The following TMEM132A variants were observed in gnomAD, a reference collection of about 807,000 sequenced individuals.
TMEM132A encodes GRP78-binding protein.
Under a neutral mutation model 69.9 loss-of-function variants are expected in TMEM132A, and 48 were observed. That is an observed-to-expected ratio of 0.69 (90% CI 0.55 to 0.87). TMEM132A has a LOEUF of 0.87. Among genes scored for constraint, TMEM132A ranks in the 40% least tolerant of loss-of-function variants. TMEM132A has a pLI of 0.00. For missense variants in TMEM132A, 1,287 were observed against 1,407.2 expected, an observed-to-expected ratio of 0.91 and a Z score of 1.37; for synonymous variants, 577 against 613.7, an observed-to-expected ratio of 0.94 and a Z score of 0.88.
Position 60,936,856 on chromosome 11 carries a change from G to A in TMEM132A, c.3021G>A (p.Lys1007=). 1.3e-6 allele frequency: 2 copies of A among 1,594,436 alleles called. No individual in the cohort carries two copies. Among genetic ancestry groups the A allele is most frequent in the Non-Finnish European group, 1.7e-6 (2 of 1,172,478 alleles). ...IRWVCEDMGL[K]DPEELRNYME... ...GGGTGTGTGAGGACATGGGGCTGAAGGACCCTGAGGAGCTTCGCAACTACA... is the reference window on the plus strand; with the variant it reads ...GGGTGTGTGAGGACATGGGGCTGAAAGACCCTGAGGAGCTTCGCAACTACA... Residue 1007 remains lysine (K), a synonymous_variant, in exon 11 of 11, where the codon AAG becomes AAA. Transcript: ENST00000453848.
At position 60,930,587 on chromosome 11, in the gene TMEM132A, G is replaced by T. The variant is rs753135679; in HGVS notation, c.944G>T (p.Arg315Leu). 6.2e-7 allele frequency: 1 copy of T among 1,612,902 alleles called. No individual in the cohort carries two copies. The highest frequency in any genetic ancestry group is 1.1e-5 in the South Asian group (1 of 91,028). ...QPTLWTAKLD[R>L]FKGSRHHTTL... ...ACACTCTGGACTGCCAAGCTGGACC[G>T]CTTCAAGGGCTCCAGGCACCACACC... Residue 315 changes from arginine (R) to leucine (L), a missense_variant, in exon 5 of 11, where the codon CGC (arginine) becomes CTC (leucine). Physicochemically the swap from Arg to Leu is moderately radical, Grantham distance 102 (BLOSUM62 -2). Transcript: ENST00000453848.
Position 60,934,669 on chromosome 11 carries a change from G to C in TMEM132A, c.1741G>C (p.Val581Leu), listed in dbSNP as rs547912250. The change falls in exon 9 of 11, where the codon GTG (valine) becomes CTG (leucine). Residue 581 changes from valine to leucine, a missense_variant. Val to Leu is a conservative substitution (Grantham distance 32, BLOSUM62 1). Transcript: ENST00000453848. ...CTGGCTGCTAGACGTGTCCCACCTCGTGGCGCCACACGCCCGCGTGCTGGA... is the reference window on the plus strand; with the variant it reads ...CTGGCTGCTAGACGTGTCCCACCTCCTGGCGCCACACGCCCGCGTGCTGGA... ...PDWLLDVSHL[V>L]APHARVLDSR... is the part of the protein sequence containing the mutation. 6.3e-7 allele frequency: 1 copy of C among 1,599,860 alleles called. No homozygotes were observed. Among genetic ancestry groups the C allele is most frequent in the African/African-American group, 1.3e-5 (1 of 74,906 alleles).
At chr11:60,930,407 A>C in intron 4 of TMEM132A, 103 bp from the exon 5 acceptor site, 1 of 1,358,996 alleles carries the variant, frequency 7.4e-7, no homozygotes, top group Non-Finnish European at 9.9e-7. Flanking sequence ...TTCAGACTGG[A>C]GCCAGGGAGG....
chr11:60,933,101 G>A (rs189771698), intron 7 of TMEM132A: 2 of 157,636 alleles, frequency 1.3e-5, no homozygotes, highest in African/African-American at 4.8e-5. Flanking sequence ...GCATTCCAGT[G>A]ACACACAGAG....
intron 8 of TMEM132A, chr11:60,933,974 C>A: frequency 3.5e-6 from 2 of 573,504 alleles, no homozygotes; most frequent in Non-Finnish European, 6.2e-6. Context: ...CCCGTAGCAC[C>A]CTCCACTTCC....
Position 60,932,064 on chromosome 11 carries a change from G to A in TMEM132A, c.1293G>A (p.Gly431=), listed in dbSNP as rs778563000. The A allele has an allele frequency of 1.3e-5, 21 of 1,588,502 alleles. No homozygotes were observed. In the Admixed American group the frequency reaches 2.9e-4, roughly 22 times the overall value. ...TGCGCCTTGTCACTGTGGACGGCGG[G>A]GGGGCCTTGGTGGAGGTGACAGAGC... ...VPVRLVTVDG[G]GALVEVTEHV... The change falls in exon 7 of 11, where the codon GGG becomes GGA. Residue 431 remains glycine, a synonymous_variant. Transcript: ENST00000453848.
At chr11:60,927,478 G>T (rs1565119050) in intron 2 of TMEM132A, 60 bp downstream of exon 2, 11 of 1,513,916 alleles carry the variant, frequency 7.3e-6, no homozygotes, top group Non-Finnish European at 9.8e-6. Context: ...AGGTCTGCTG[G>T]GTACAAATTG....
chr11:60,936,979 C>T lies in TMEM132A; in HGVS notation c.*72C>T, dbSNP rs1002808677. 2.9e-6 allele frequency: 4 copies of T among 1,359,340 alleles called. No individual in the cohort carries two copies. The highest frequency in any genetic ancestry group is 1.5e-5 in the South Asian group (1 of 65,558). The allele number at this position is 1,359,340 out of a possible 1,614,324, so 84.2% of individuals were successfully genotyped here. A position where few individuals can be genotyped will look rare whatever the true frequency, so the allele number is the denominator to read the frequency against. On this transcript the variant is annotated 3_prime_UTR_variant, in exon 11 of 11. Coordinates refer to ENST00000453848, the MANE Select transcript of TMEM132A (RefSeq NM_178031.3). The stretch of plus-strand genomic sequence containing the variant: ...GAGGTCCCACTGAGCCTCTCGCCTG[C>T]CCCCGCCACTCGTCTGGTGCTTGTT...
Position 60,936,829 on chromosome 11 carries a change from C to G in TMEM132A, c.2994C>G (p.Arg998=). ...SILVAGEEDI[R]WVCEDMGLKD... is the part of the protein sequence containing the mutation. ...TTGTGGCAGGCGAGGAGGACATCCG[C>G]TGGGTGTGTGAGGACATGGGGCTGA... The change falls in exon 11 of 11, where the codon CGC becomes CGG. Residue 998 remains arginine (R), a synonymous_variant. Coordinates refer to ENST00000453848, the MANE Select transcript of TMEM132A (RefSeq NM_178031.3). 1 of 1,612,256 alleles carries G rather than the reference C, an allele frequency of 6.2e-7. No individual in the cohort carries two copies. Among genetic ancestry groups the G allele is most frequent in the Non-Finnish European group, 8.5e-7 (1 of 1,179,192 alleles).
In TMEM132A at chr11:60,935,591, A is replaced by T. The variant is rs1856575997; in HGVS notation, c.2028+148A>T. On this transcript the variant is annotated intron_variant, in intron 10 of 10. Coordinates refer to ENST00000453848, the MANE Select transcript of TMEM132A (RefSeq NM_178031.3). This position sits in a 1 kb window ranked among gnomAD's most constrained non-coding sequence, Gnocchi z 5.0. ...CTCTGTGAGGTAGTGAGCTCTCTGC[A>T]GCTGGAGGTGATCAAGCAGTGGCTG... 7 of 922,162 alleles carry T rather than the reference A, an allele frequency of 7.6e-6. No homozygotes were observed. The highest frequency in any genetic ancestry group is 1.1e-5 in the Non-Finnish European group (7 of 622,868). 57.1% of individuals were successfully genotyped at this position (922,162 alleles called of 1,614,324 possible). A position where few individuals can be genotyped will look rare whatever the true frequency, so the allele number is the denominator to read the frequency against.
chr11:60,936,704 G>A lies in TMEM132A; in HGVS notation c.2869G>A (p.Gly957Arg). ...SSSTLARKEA[G>R]GRRKRVEFVT... ...AAGCACCCTGGCCCGAAAGGAGGCT[G>A]GGGGGCGGCGGAAGCGAGTAGAGTT... Residue 957 changes from glycine to arginine, a missense_variant, in exon 11 of 11, where the codon GGG (glycine) becomes AGG (arginine). Physicochemically the swap from Gly to Arg is moderately radical, Grantham distance 125. Transcript: ENST00000453848. 1.9e-6 allele frequency: 3 copies of A among 1,572,856 alleles called. No homozygotes were observed. Among genetic ancestry groups the A allele is most frequent in the Non-Finnish European group, 2.6e-6 (3 of 1,160,040 alleles).
intron 7 of TMEM132A, 38 bp downstream of exon 7, chr11:60,932,165 T>G (rs1484900067): frequency 6.6e-7 from 1 of 1,514,612 alleles, no homozygotes; most frequent in Admixed American, 2.3e-5. Flanking sequence ...AGTCTGCATT[T>G]GTGTGGGCAC....
In TMEM132A at chr11:60,931,965, G is replaced by GC. The variant is rs1490344039; in HGVS notation, c.1213-15dup. On this transcript the variant is annotated intron_variant, in intron 6 of 10. Coordinates refer to ENST00000453848, the MANE Select transcript of TMEM132A (RefSeq NM_178031.3). ...CATGAGCTGAGGGGCCTGGGGCTGA[G>GC]CCCCTCCTCCACCCCCAGGCTGAGG... The GC allele has an allele frequency of 6.2e-7, 1 of 1,611,884 alleles. No homozygotes were observed. Among genetic ancestry groups the GC allele is most frequent in the Non-Finnish European group, 8.5e-7 (1 of 1,179,104 alleles).
chr11:60,931,577 G>A, intron 5 of TMEM132A, 112 bp from the exon 6 acceptor site: 2 of 1,094,650 alleles, frequency 1.8e-6, no homozygotes, highest in Non-Finnish European at 1.3e-6. Flanking sequence ...TGTAACCTCT[G>A]TGCCTCAGTT....
In TMEM132A at chr11:60,936,293, AAGG is replaced by A. The variant is rs780634253; in HGVS notation, c.2464_2466del (p.Glu822del). 34 of 1,613,696 alleles carry A rather than the reference AAGG, an allele frequency of 2.1e-5. No homozygotes were observed. The highest frequency in any genetic ancestry group is 1.5e-4 in the Admixed American group (9 of 59,986). On this transcript the variant is annotated inframe_deletion, in exon 11 of 11. Coordinates refer to ENST00000453848, the MANE Select transcript of TMEM132A (RefSeq NM_178031.3). ...TGAGCGGGCAGAGGAGGAGGCCAGG[AAGG>A]AGGAGACCGAAGCCAGGGAGGAGGA...
intron 4 of TMEM132A, among the ~76,000 whole-genome samples, chr11:60,929,203 T>C (rs904602389): frequency 6.6e-6 from 1 of 152,186 alleles, no homozygotes; most frequent in African/African-American, 2.4e-5. Context: ...CTCCCTGAGA[T>C]TCCTTTGTCC....
rs1190936180 is a variant in TMEM132A, at chr11:60,936,138, C to T, written c.2303C>T (p.Pro768Leu). The change falls in exon 11 of 11, where the codon CCT becomes CTT. Residue 768 changes from proline (P) to leucine (L), a missense_variant. Pro to Leu is a moderately conservative substitution (Grantham distance 98). Coordinates refer to ENST00000453848, the MANE Select transcript of TMEM132A (RefSeq NM_178031.3). The stretch of plus-strand genomic sequence containing the variant: ...GGCACCGCCTGGCTGGGGCTGCCCC[C>T]TGCCTCCACTCCAGCCCCTGCTCTC... The part of the protein sequence containing the change: ...ASGTAWLGLP[P>L]ASTPAPALPS... 6.2e-7 allele frequency: 1 copy of T among 1,613,640 alleles called. No homozygotes were observed. Among genetic ancestry groups the T allele is most frequent in the East Asian group, 2.2e-5 (1 of 44,872 alleles).
In TMEM132A at chr11:60,935,200, G is replaced by A; in HGVS notation, c.1837-52G>A. 2 of 1,530,026 alleles carry A rather than the reference G, an allele frequency of 1.3e-6. No homozygotes were observed. The highest frequency in any genetic ancestry group is 2.4e-5 in the East Asian group (1 of 41,896). The allele number at this position is 1,530,026 out of a possible 1,614,324, so 94.8% of individuals were successfully genotyped here. A position where few individuals can be genotyped will look rare whatever the true frequency, so the allele number is the denominator to read the frequency against. ...TGGGAGCACCCGGTTCCCTCTGGGT[G>A]GGGGCTGTCTGTATGGAAGGCCCCC... is the stretch of plus-strand genomic sequence containing the variant. On this transcript the variant is annotated intron_variant, in intron 9 of 10. Coordinates refer to ENST00000453848, the MANE Select transcript of TMEM132A (RefSeq NM_178031.3). This position sits in a 1 kb window ranked among gnomAD's most constrained non-coding sequence, Gnocchi z 5.0.
At chr11:60,924,841 C>T in intron 1 of TMEM132A, 108 bp downstream of exon 1, 2 of 805,524 alleles carry the variant, frequency 2.5e-6, no homozygotes, top group Non-Finnish European at 3.7e-6. Flanking sequence ...GAACCCTGAG[C>T]GGGGTCGCCC....
Sources: gnomAD v4.1 joint callset for allele counts (sites outside exome capture counted in the v4.1 genomes callset) on GRCh38, gnomAD v4.1.1 for gene constraint, Gnocchi (gnomAD v3.1) non-coding constraint, MANE v1.5 for transcripts, NCBI Gene and HGNC (gene_info 2026-07-23, HGNC 2026-07-21) for gene names.